MYBL2: variants seen among roughly 807,000 people sequenced by gnomAD.
The protein encoded by MYBL2 is MYB proto-oncogene like 2.
In MYBL2, 28 loss-of-function variants were observed where a neutral mutation model predicts 79.9. The observed-to-expected ratio is 0.35, with a 90% CI of 0.26 to 0.48. The LOEUF (loss-of-function observed/expected upper bound fraction) is 0.48, where lower values mean the gene tolerates loss of function less well. MYBL2 is among the 20% of genes least tolerant of loss of function. The pLI is 0.99. For synonymous variants in MYBL2, 378 were observed against 361.2 expected (o/e 1.05, Z -0.53); for missense variants, 735 against 893.9 (o/e 0.82, Z 2.27).
At chr20:43,704,001 C>G (rs752292215) in intron 8 of MYBL2, among the ~76,000 whole-genome samples, 1 of 151,980 alleles carries the variant, frequency 6.6e-6, no homozygotes, top group Non-Finnish European at 1.5e-5. Context: ...GGATTAGGGC[C>G]CACTCTAATG....
intron 2 of MYBL2, among the ~76,000 whole-genome samples, chr20:43,679,217 G>A (rs887008943): frequency 3.3e-5 from 5 of 152,188 alleles, no homozygotes; most frequent in Non-Finnish European, 5.9e-5. Flanking sequence ...CCCAGCCTGT[G>A]CTGGTTCTGG....
chr20:43,713,051 T>C lies in MYBL2; in HGVS notation c.1769T>C (p.Ile590Thr), dbSNP rs1987947456. Residue 590 changes from isoleucine (I) to threonine (T), a missense_variant, in exon 12 of 14, where the codon ATT becomes ACT. Transcript: ENST00000217026. ...GTCCGGAAGTCTCTGGCTCTTGACA[T>C]TGTGGATGAGGATGTGAAGCTGATG... ...KKVRKSLALDIVDEDVKLMMS... is the reference protein window; with the variant it reads ...KKVRKSLALDTVDEDVKLMMS... 3.7e-6 allele frequency: 6 copies of C among 1,613,414 alleles called. No homozygotes were observed. Among genetic ancestry groups the C allele is most frequent in the Non-Finnish European group, 5.1e-6 (6 of 1,179,776 alleles).
chr20:43,681,827 A>T lies in MYBL2; in HGVS notation c.158A>T (p.Asp53Val), dbSNP rs745790983. The T allele has an allele frequency of 6.2e-7, 1 of 1,614,114 alleles. No individual in the cohort carries two copies. Among genetic ancestry groups the T allele is most frequent in the Non-Finnish European group, 8.5e-7 (1 of 1,180,022 alleles). The change falls in exon 3 of 14, where the codon GAC becomes GTC. Residue 53 changes from aspartate to valine, a missense_variant. Around this residue, in one of 5 missense-constraint regions of MYBL2, gnomAD observed 79 missense variants for 86.7 expected, o/e 0.91. Transcript: ENST00000217026. ...CTGGTGAGGCAGTTTGGACAGCAGGACTGGAAGTTCCTGGCCAGCCACTTC... is the reference window on the plus strand; with the variant it reads ...CTGGTGAGGCAGTTTGGACAGCAGGTCTGGAAGTTCCTGGCCAGCCACTTC... The part of the protein sequence containing the change: ...RALVRQFGQQ[D>V]WKFLASHFPN...
At chr20:43,677,546 T>C (rs1165578605) in intron 2 of MYBL2, among the ~76,000 whole-genome samples, 1 of 152,224 alleles carries the variant, frequency 6.6e-6, no homozygotes, top group African/African-American at 2.4e-5. Flanking sequence ...GAAAAGCCAG[T>C]ACAGGAGGCC....
At position 43,668,043 on chromosome 20, in the gene MYBL2, G is replaced by A. The variant is rs762647967; in HGVS notation, c.20+740G>A. 9.1e-4 allele frequency among the ~76,000 whole-genome samples: 138 copies of A among 152,004 alleles called. 2 individuals are homozygous for A. Among genetic ancestry groups the A allele is most frequent in the Non-Finnish European group, 4.4e-4 (30 of 68,004 alleles). On this transcript the variant is annotated intron_variant, in intron 1 of 13. Transcript: ENST00000217026. ...AGACTTAAGTGGCAGAGCTGAGCCC[G>A]GAGCCAGGTCTGTGGCTCCAGATCC...
At position 43,715,362 on chromosome 20, in the gene MYBL2, G is replaced by A. The variant is rs1205504911; in HGVS notation, c.1974+79G>A. The A allele has an allele frequency of 5.0e-6, 8 of 1,589,220 alleles. No individual in the cohort carries two copies. The East Asian group carries it at 9.0e-5, about 18-fold the overall frequency. On this transcript the variant is annotated intron_variant, in intron 13 of 13. Coordinates refer to ENST00000217026, the MANE Select transcript of MYBL2 (RefSeq NM_002466.4). ...GGGCTGAGTGCTGGCCATCCCTGGG[G>A]GTCCTGCAGTGCCCGCCTTCTTAGC...
At chr20:43,697,629 C>T (rs537865292) in intron 6 of MYBL2, among the ~76,000 whole-genome samples, 15 of 145,838 alleles carry the variant, frequency 1.0e-4, no homozygotes, top group African/African-American at 3.1e-4. Flanking sequence ...AAGGGCTGGG[C>T]GCAATGGCTC....
intron 1 of MYBL2, 56 bp from the exon 2 acceptor site, chr20:43,673,750 A>G: frequency 6.5e-7 from 1 of 1,545,294 alleles, no homozygotes; most frequent in Non-Finnish European, 8.9e-7. Context: ...CACGTTCTCC[A>G]TTATGTAAAA....
At chr20:43,689,359 GA>G (rs1274549765) in intron 5 of MYBL2, among the ~76,000 whole-genome samples, 1 of 152,148 alleles carries the variant, frequency 6.6e-6, no homozygotes, top group Non-Finnish European at 1.5e-5. Context: ...ACTTGGGTTG[GA>G]AACTCTGGCT....
intron 5 of MYBL2, among the ~76,000 whole-genome samples, chr20:43,687,549 C>G (rs1452494558): frequency 6.6e-6 from 1 of 152,094 alleles, no homozygotes; most frequent in Non-Finnish European, 1.5e-5. Flanking sequence ...GTCTTTGTCA[C>G]CACTCTGTTA....
chr20:43,672,082 G>T (rs1303973241), intron 1 of MYBL2, among the ~76,000 whole-genome samples: 2 of 151,876 alleles, frequency 1.3e-5, no homozygotes, highest in Non-Finnish European at 2.9e-5. Context: ...GCGGTGGCAG[G>T]CGTCTGTAAT....
chr20:43,703,736 T>G (rs987690038), intron 8 of MYBL2, among the ~76,000 whole-genome samples: 10 of 152,118 alleles, frequency 6.6e-5, no homozygotes, highest in Admixed American at 6.6e-4. Context: ...GAGGCCACCC[T>G]GTCATCACGG....
In MYBL2 at chr20:43,686,273, G is replaced by A. The variant is rs148059506; in HGVS notation, c.280-579G>A. Among the ~76,000 whole-genome samples the A allele has an allele frequency of 2.2e-3, 341 of 152,144 alleles. 3 individuals are homozygous for A. The highest frequency in any genetic ancestry group is 0.017 in the Middle Eastern group (5 of 294). On this transcript the variant is annotated intron_variant, in intron 4 of 13. Coordinates refer to ENST00000217026, the MANE Select transcript of MYBL2 (RefSeq NM_002466.4). ...GGCCTGGCCTGGCTCTTGTGGCTGC[G>A]TATGTTGTGGTTTGTGTCCTGAGCT...
chr20:43,694,014 C>T (rs556105203), intron 6 of MYBL2, among the ~76,000 whole-genome samples: 60 of 152,226 alleles, frequency 3.9e-4, no homozygotes, highest in South Asian at 2.1e-3. Context: ...CGCCACTGCA[C>T]TCCAGCTTTT....
At chr20:43,700,104 C>T (rs187349566) in intron 7 of MYBL2, 60 bp downstream of exon 7, 5 of 1,567,182 alleles carry the variant, frequency 3.2e-6, no homozygotes, top group Non-Finnish European at 4.3e-6. Flanking sequence ...AAGTGCTTCT[C>T]TCTCAGGCCC....
chr20:43,697,727 C>A (rs1987577081), intron 6 of MYBL2, among the ~76,000 whole-genome samples: 1 of 151,898 alleles, frequency 6.6e-6, no homozygotes. Flanking sequence ...CATGGTGAAA[C>A]CCCATCTCTA....
intron 5 of MYBL2, among the ~76,000 whole-genome samples, chr20:43,691,167 G>A (rs1987396772): frequency 1.3e-5 from 2 of 152,176 alleles, no homozygotes. Flanking sequence ...GAGGTGAACA[G>A]GCCTTGCATC....
intron 1 of MYBL2, among the ~76,000 whole-genome samples, chr20:43,671,771 G>A (rs902013382): frequency 1.2e-4 from 18 of 151,260 alleles, no homozygotes; most frequent in African/African-American, 3.4e-4. Context: ...CACCTGGCCC[G>A]ATTTCCATTT....
In MYBL2 at chr20:43,710,011, G is replaced by T. The variant is rs778717059; in HGVS notation, c.1554G>T (p.Thr518=). The change falls in exon 10 of 14, where the codon ACG becomes ACT. Residue 518 remains threonine (T), a synonymous_variant. Coordinates refer to ENST00000217026, the MANE Select transcript of MYBL2 (RefSeq NM_002466.4). ...QKYSMDNTPH[T]PTPFKNALEK... The stretch of plus-strand genomic sequence containing the variant: ...ACTCCATGGACAACACTCCCCACAC[G>T]CCAACCCCGTTCAAGAACGCCCTGG... The T allele has an allele frequency of 1.2e-6, 2 of 1,609,670 alleles. No homozygotes were observed. Among genetic ancestry groups the T allele is most frequent in the Non-Finnish European group, 1.7e-6 (2 of 1,178,064 alleles).
Sources: gnomAD v4.1 joint callset for allele counts (sites outside exome capture counted in the v4.1 genomes callset) on GRCh38, gnomAD v4.1.1 for gene constraint, gnomAD v4.1.1 regional missense constraint, MANE v1.5 for transcripts, NCBI Gene and HGNC (gene_info 2026-07-23, HGNC 2026-07-21) for gene names.